Variants in SSH2 observed in about 807,000 individuals in gnomAD.
The protein encoded by SSH2 is protein phosphatase Slingshot homolog 2.
In SSH2, 37 loss-of-function variants were observed where a neutral mutation model predicts 135.2. The ratio of observed to expected loss-of-function variants is 0.27; its 90% confidence interval spans 0.21 to 0.36. The LOEUF is 0.36. Among genes scored for constraint, SSH2 ranks in the 10% least tolerant of loss-of-function variants. The pLI is 1.00. For missense variants in SSH2, 1,408 were observed against 1,765.3 expected (o/e 0.80, Z 3.63); for synonymous variants, 628 against 646.2 (o/e 0.97, Z 0.43).
In SSH2 at chr17:29,886,858, AG is replaced by A. The variant is rs2066249040; in HGVS notation, c.64-37930del. 3.3e-5 allele frequency among the ~76,000 whole-genome samples: 5 copies of A among 152,310 alleles called. No individual in the cohort carries two copies. The East Asian group carries it at 7.7e-4, about 23-fold the overall frequency. ...TGCTGAAGAAGTTGCATAAGTAACAAGGGGCTGAATGTTAATCACCAATTAT... is the reference window on the plus strand; with the variant it reads ...TGCTGAAGAAGTTGCATAAGTAACAAGGGCTGAATGTTAATCACCAATTAT... On this transcript the variant is annotated intron_variant, in intron 1 of 15. Coordinates refer to ENST00000540801, the MANE Select transcript of SSH2 (RefSeq NM_001282129.2).
At chr17:29,743,499 C>T (rs2040640511) in intron 3 of SSH2, among the ~76,000 whole-genome samples, 1 of 151,918 alleles carries the variant, frequency 6.6e-6, no homozygotes, top group African/African-American at 2.4e-5. Context: ...AGAATTTCTC[C>T]AAGCATCTAA....
intron 5 of SSH2, among the ~76,000 whole-genome samples, chr17:29,692,269 T>C (rs1039200370): frequency 6.6e-6 from 1 of 152,200 alleles, no homozygotes; most frequent in Non-Finnish European, 1.5e-5. Context: ...ACAAAAGCCT[T>C]TGCTTTGAGT....
intron 6 of SSH2, 141 bp from the exon 7 acceptor site, chr17:29,677,882 ATAT>A: frequency 1.6e-6 from 1 of 629,366 alleles, no homozygotes; most frequent in East Asian, 2.8e-5. Context: ...AATTTCTATC[ATAT>A]TATTATTAAT....
At chr17:29,688,670 T>C (rs1273209143) in intron 5 of SSH2, among the ~76,000 whole-genome samples, 4 of 152,154 alleles carry the variant, frequency 2.6e-5, no homozygotes, top group Non-Finnish European at 4.4e-5. Context: ...TTCACCATGT[T>C]GTCCAGACTG....
intron 3 of SSH2, among the ~76,000 whole-genome samples, chr17:29,717,264 T>C (rs1261102284): frequency 6.6e-6 from 1 of 152,184 alleles, no homozygotes; most frequent in African/African-American, 2.4e-5. Context: ...GCATCTTGAA[T>C]AGCTGGGACT....
At chr17:29,832,764 T>G (rs1040354928) in intron 2 of SSH2, among the ~76,000 whole-genome samples, 1 of 152,114 alleles carries the variant, frequency 6.6e-6, no homozygotes, top group South Asian at 2.1e-4. Context: ...TCCCCCAGGT[T>G]CAAGCGATCC....
At chr17:29,666,512 G>A (rs188061664) in intron 11 of SSH2, among the ~76,000 whole-genome samples, 116 of 152,042 alleles carry the variant, frequency 7.6e-4, no homozygotes, top group Non-Finnish European at 1.4e-3. Flanking sequence ...GCAAAACCCC[G>A]TCTCTACTAA....
chr17:29,817,484 C>T (rs1198344847), intron 2 of SSH2, among the ~76,000 whole-genome samples: 1 of 152,204 alleles, frequency 6.6e-6, no homozygotes, highest in African/African-American at 2.4e-5. Flanking sequence ...CTGCCATCCT[C>T]AGGGAGTCAT....
At chr17:29,858,154 G>T (rs1453908716) in intron 1 of SSH2, among the ~76,000 whole-genome samples, 3 of 152,146 alleles carry the variant, frequency 2.0e-5, no homozygotes, top group Admixed American at 1.3e-4. Context: ...GTTTCTGATT[G>T]CTGCAAATAT....
intron 1 of SSH2, among the ~76,000 whole-genome samples, chr17:29,876,216 G>A (rs973441720): frequency 6.4e-4 from 96 of 149,254 alleles, no homozygotes; most frequent in Non-Finnish European, 1.0e-3. Context: ...AAAAAAAGGA[G>A]GAATCATATT....
chr17:29,869,084 G>A (rs142373634), intron 1 of SSH2, among the ~76,000 whole-genome samples: 20 of 152,284 alleles, frequency 1.3e-4, no homozygotes, highest in African/African-American at 4.6e-4. Flanking sequence ...GTTTCTCAAA[G>A]AAATGAACAT....
chr17:29,689,370 T>G (rs979089120), intron 5 of SSH2, among the ~76,000 whole-genome samples: 2 of 152,166 alleles, frequency 1.3e-5, no homozygotes, highest in Non-Finnish European at 2.9e-5. Flanking sequence ...ATATCCTAAT[T>G]TTGAAAAGGA....
chr17:29,665,040 C>T (rs538318328), intron 11 of SSH2, among the ~76,000 whole-genome samples: 1 of 152,264 alleles, frequency 6.6e-6, no homozygotes, highest in African/African-American at 2.4e-5. Flanking sequence ...GTCACATGAG[C>T]TCCTTTTGAC....
At position 29,709,676 on chromosome 17, in the gene SSH2, C is replaced by CA. The variant is rs200336503; in HGVS notation, c.189-6615dup. On this transcript the variant is annotated intron_variant, in intron 3 of 15. Transcript: ENST00000540801. ...TGGGAAACAGAGCGAAACTCCATTT[C>CA]AAAAAAAAAATGTAGAGTACAGGAG... 2.8e-3 allele frequency among the ~76,000 whole-genome samples: 419 copies of CA among 147,532 alleles called. 6 individuals are homozygous for CA. The East Asian group carries it at 0.066, about 23-fold the overall frequency.
At chr17:29,823,671 C>T (rs776996434) in intron 2 of SSH2, among the ~76,000 whole-genome samples, 1 of 151,908 alleles carries the variant, frequency 6.6e-6, no homozygotes, top group African/African-American at 2.4e-5. Context: ...TTGAGGTTAG[C>T]GGTTCCAGAC....
chr17:29,767,814 TTTAAG>T (rs1426304457), intron 3 of SSH2, among the ~76,000 whole-genome samples: 2 of 152,208 alleles, frequency 1.3e-5, no homozygotes, highest in African/African-American at 2.4e-5. Flanking sequence ...CTTATGGGCA[TTTAAG>T]TTGTTTCCAG....
At chr17:29,729,892 T>TA (rs1387357739) in intron 3 of SSH2, among the ~76,000 whole-genome samples, 1 of 152,096 alleles carries the variant, frequency 6.6e-6, no homozygotes, top group African/African-American at 2.4e-5. Context: ...CTGGCAAGGC[T>TA]AGTAGTTGTG....
intron 2 of SSH2, among the ~76,000 whole-genome samples, chr17:29,823,144 A>G (rs1019257402): frequency 2.0e-5 from 3 of 152,224 alleles, no homozygotes; most frequent in African/African-American, 7.2e-5. Flanking sequence ...ATTATAGAAA[A>G]TAAACTGACT....
intron 1 of SSH2, among the ~76,000 whole-genome samples, chr17:29,850,283 A>T (rs1023357978): frequency 1.3e-5 from 2 of 152,154 alleles, no homozygotes; most frequent in Non-Finnish European, 2.9e-5. Context: ...GATTCTATTC[A>T]AATGTTTGCT....
Sources: allele counts gnomAD v4.1 joint callset (sites outside exome capture counted in the v4.1 genomes callset), GRCh38; gene constraint gnomAD v4.1.1; transcripts MANE v1.5; gene names NCBI Gene and HGNC (gene_info 2026-07-23, HGNC 2026-07-21).